TRIM61: variants seen among roughly 807,000 people sequenced by gnomAD.
TRIM61 encodes putative tripartite motif-containing protein 61.
In TRIM61, 1 loss-of-function variant was observed where a neutral mutation model predicts 14.2. That is an observed-to-expected ratio of 0.07 (90% CI 0.03 to 0.33). The LOEUF (loss-of-function observed/expected upper bound fraction) is 0.33. Ranked by LOEUF, TRIM61 falls within the 10% of genes least tolerant of loss-of-function variation. The probability of loss-of-function intolerance (pLI) is 0.99; values close to 1 mark genes in which losing one functional copy is unlikely to be tolerated. For synonymous variants in TRIM61, 8 were observed against 71.6 expected (o/e 0.11, Z 4.49); for missense variants, 19 against 202.2 (o/e 0.09, Z 5.49).
chr4:164,977,194 T>C (rs566378156), intron 1 of TRIM61, among the ~76,000 whole-genome samples: 1 of 152,300 alleles, frequency 6.6e-6, no homozygotes, highest in African/African-American at 2.4e-5. Flanking sequence ...CGACGTAGGC[T>C]GGTGGGTTCT....
rs184644264 is a variant in TRIM61 at position 164,971,317 on chromosome 4, T to A, written c.-337-978A>T. 2.9e-3 allele frequency among the ~76,000 whole-genome samples: 437 copies of A among 151,762 alleles called. 2 individuals carry two copies. Among genetic ancestry groups the A allele is most frequent in the African/African-American group, 0.01 (422 of 41,378 alleles). On this transcript the variant is annotated intron_variant, in intron 2 of 4. Coordinates refer to ENST00000329314, the MANE Select transcript of TRIM61 (RefSeq NM_001012414.3). Reference sequence around the variant, plus strand: ...ACAATTAAAAAAATGTGTAGCCGAGTGCGGTGGCTCACGCCTGTAATCCCA... The same window carrying A: ...ACAATTAAAAAAATGTGTAGCCGAGAGCGGTGGCTCACGCCTGTAATCCCA...
intron 3 of TRIM61, among the ~76,000 whole-genome samples, chr4:164,965,450 T>TTTC (rs1732218994): frequency 8.8e-6 from 1 of 113,072 alleles, no homozygotes; most frequent in East Asian, 2.4e-4. Context: ...CCTATGCTTT[T>TTTC]TTTTTTTTTT....
chr4:164,959,434 G>A lies in TRIM61; in HGVS notation c.526-4338C>T, dbSNP rs528331943. Among the ~76,000 whole-genome samples the A allele has an allele frequency of 7.9e-5, 12 of 151,880 alleles. No homozygotes were observed. In the East Asian group the frequency reaches 9.7e-4, roughly 12 times the overall value. ...GTTTTCTTCCCTTCTTTTGGTGAGC[G>A]TATCACCAGGTAGTTCCCTGAAAAA... is the stretch of plus-strand genomic sequence containing the variant. On this transcript the variant is annotated intron_variant, in intron 3 of 4. Coordinates refer to ENST00000329314, the MANE Select transcript of TRIM61 (RefSeq NM_001012414.3).
chr4:164,959,649 A>G (rs1162000485), intron 3 of TRIM61, among the ~76,000 whole-genome samples: 1 of 152,154 alleles, frequency 6.6e-6, no homozygotes, highest in Non-Finnish European at 1.5e-5. Context: ...GGCTTCCCCA[A>G]CTCCCAAAAC....
intron 3 of TRIM61, chr4:164,957,912 AG>A (rs1343443049): frequency 1.7e-5 from 3 of 172,562 alleles, no homozygotes; most frequent in African/African-American, 7.2e-5. Context: ...CATTTTAACA[AG>A]GGATGATGAT....
intron 3 of TRIM61, among the ~76,000 whole-genome samples, chr4:164,956,680 T>C (rs750715041): frequency 2.0e-5 from 3 of 152,204 alleles, no homozygotes; most frequent in Non-Finnish European, 4.4e-5. Flanking sequence ...ATAAATAAGA[T>C]TCAATAAATT....
At chr4:164,961,949 A>G (rs1455103062) in intron 3 of TRIM61, among the ~76,000 whole-genome samples, 4 of 152,348 alleles carry the variant, frequency 2.6e-5, no homozygotes, top group East Asian at 1.9e-4. Context: ...TGTAAGCTAC[A>G]TAGTACAGCT....
chr4:164,963,478 C>T (rs1215404947), intron 3 of TRIM61, among the ~76,000 whole-genome samples: 1 of 152,208 alleles, frequency 6.6e-6, no homozygotes, highest in South Asian at 2.1e-4. Flanking sequence ...TGACAGGGCA[C>T]GGTGGCTCAC....
chr4:164,968,446 ATT>A (rs1732288451), intron 3 of TRIM61: 1 of 985,124 alleles, frequency 1.0e-6, no homozygotes. Context: ...CCATAATCAC[ATT>A]TTTTGGAAGT....
intron 2 of TRIM61, among the ~76,000 whole-genome samples, chr4:164,972,637 C>T (rs59321394): frequency 0.034 from 5,249 of 152,170 alleles, 298 homozygotes; most frequent in African/African-American, 0.12. Context: ...TACAGGCGTG[C>T]GCCACCACAC....
At chr4:164,975,661 C>T (rs1418897777) in intron 2 of TRIM61, among the ~76,000 whole-genome samples, 1 of 152,180 alleles carries the variant, frequency 6.6e-6, no homozygotes, top group African/African-American at 2.4e-5. Context: ...TCTCAATAAA[C>T]CAGGGGCACA....
chr4:164,957,395 AG>A (rs757740805), intron 3 of TRIM61: 82 of 1,613,970 alleles, frequency 5.1e-5, no homozygotes, highest in Non-Finnish European at 6.7e-5. Context: ...AGGAAAAGTC[AG>A]GAAGAGAACC....
chr4:164,961,005 CAT>C (rs1025468139), intron 3 of TRIM61, among the ~76,000 whole-genome samples: 22 of 151,622 alleles, frequency 1.5e-4, no homozygotes, highest in South Asian at 4.2e-4. Context: ...TTTTCCTACA[CAT>C]GTCTGGTTTT....
At chr4:164,971,398 C>A (rs1057031619) in intron 2 of TRIM61, among the ~76,000 whole-genome samples, 1 of 151,856 alleles carries the variant, frequency 6.6e-6, no homozygotes, top group Non-Finnish European at 1.5e-5. Context: ...TCTAGACCAG[C>A]CTGAATAACA....
chr4:164,971,321 G>A (rs922358516), intron 2 of TRIM61, among the ~76,000 whole-genome samples: 3 of 152,142 alleles, frequency 2.0e-5, no homozygotes, highest in Admixed American at 6.5e-5. Flanking sequence ...GCCGAGTGCG[G>A]TGGCTCACGC....
At chr4:164,973,115 ACACATGTTCT>A (rs1047428299) in intron 2 of TRIM61, among the ~76,000 whole-genome samples, 1 of 152,166 alleles carries the variant, frequency 6.6e-6, no homozygotes, top group Non-Finnish European at 1.5e-5. Flanking sequence ...TCAGCCCAAG[ACACATGTTCT>A]CAAGGATAAT....
intron 3 of TRIM61, among the ~76,000 whole-genome samples, chr4:164,956,209 G>T (rs1019232635): frequency 6.6e-6 from 1 of 152,158 alleles, no homozygotes; most frequent in Non-Finnish European, 1.5e-5. Flanking sequence ...GGGACCACAG[G>T]GGCGGGCCAA....
chr4:164,975,763 G>A (rs368238242), intron 2 of TRIM61, among the ~76,000 whole-genome samples: 5 of 145,490 alleles, frequency 3.4e-5, no homozygotes, highest in Admixed American at 1.4e-4. Context: ...ATATGGCCTC[G>A]TGGGATGAGA....
intron 3 of TRIM61, among the ~76,000 whole-genome samples, chr4:164,962,535 G>T (rs1732159175): frequency 6.6e-6 from 1 of 151,864 alleles, no homozygotes; most frequent in African/African-American, 2.4e-5. Flanking sequence ...GAGCCACTGC[G>T]CCCGGCCTGA....
Sources: allele counts gnomAD v4.1 joint callset (sites outside exome capture counted in the v4.1 genomes callset), GRCh38; gene constraint gnomAD v4.1.1; transcripts MANE v1.5; gene names NCBI Gene and HGNC (gene_info 2026-07-23, HGNC 2026-07-21).